Variants in DPP6 observed in about 807,000 individuals in gnomAD.
DPP6 encodes dipeptidyl peptidase like 6.
DPP6 carries 69 observed loss-of-function variants against 122.6 expected under a neutral mutation model. The observed-to-expected ratio is 0.56, with a 90% CI of 0.46 to 0.69. The LOEUF (loss-of-function observed/expected upper bound fraction) is 0.69, where lower values mean the gene tolerates loss of function less well. DPP6 is among the 30% of genes least tolerant of loss of function. The pLI is 0.00. For synonymous variants in DPP6, 418 were observed against 433.1 expected, an observed-to-expected ratio of 0.97 and a Z score of 0.43; for missense variants, 928 against 1,116.9, an observed-to-expected ratio of 0.83 and a Z score of 2.41.
chr7:154,581,184 C>T (rs937421448), intron 5 of DPP6, among the ~76,000 whole-genome samples: 2 of 152,100 alleles, frequency 1.3e-5, no homozygotes, highest in Non-Finnish European at 2.9e-5. Context: ...CAGAAAAGAG[C>T]ATGACAAAGA....
chr7:154,277,000 G>T (rs1183435630), intron 1 of DPP6, among the ~76,000 whole-genome samples: 2 of 152,102 alleles, frequency 1.3e-5, no homozygotes, highest in Non-Finnish European at 2.9e-5. Flanking sequence ...GCACGCACTT[G>T]GGGGCCATTT....
chr7:154,442,999 T>G (rs1354847849), intron 1 of DPP6, among the ~76,000 whole-genome samples: 5 of 152,134 alleles, frequency 3.3e-5, no homozygotes, highest in Admixed American at 3.3e-4. Context: ...CACTCAGAGG[T>G]AAGCCGAAGC....
intron 3 of DPP6, among the ~76,000 whole-genome samples, chr7:154,491,191 A>T (rs28641674): frequency 0.066 from 10,005 of 152,242 alleles, 1,084 homozygotes; most frequent in African/African-American, 0.22. Context: ...ATGTTCCTCA[A>T]TAAAACCCAA....
chr7:154,891,397 T>G (rs543423628), intron 25 of DPP6, among the ~76,000 whole-genome samples: 1 of 152,320 alleles, frequency 6.6e-6, no homozygotes, highest in African/African-American at 2.4e-5. Context: ...GGCCTCATTC[T>G]AAGCACGGCA....
chr7:154,499,078 T>C (rs931031927), intron 3 of DPP6, among the ~76,000 whole-genome samples: 2 of 152,240 alleles, frequency 1.3e-5, no homozygotes, highest in Admixed American at 1.3e-4. Context: ...TGACTAACCC[T>C]TTGTTACTTG....
chr7:154,390,194 A>G (rs1814492916), intron 1 of DPP6, among the ~76,000 whole-genome samples: 1 of 152,230 alleles, frequency 6.6e-6, no homozygotes, highest in African/African-American at 2.4e-5. Flanking sequence ...CAACAAGGAA[A>G]TATCTGTCAT....
At chr7:154,728,455 G>C (rs577244135) in intron 8 of DPP6, among the ~76,000 whole-genome samples, 6 of 152,306 alleles carry the variant, frequency 3.9e-5, no homozygotes, top group African/African-American at 1.4e-4. Context: ...ATAACTAGAA[G>C]TCAGAGGGGG....
rs2533557 is a variant in DPP6 at position 154,002,066 on chromosome 7, C to G, written c.51+114332C>G. Reference sequence around the variant, plus strand: ...TTTTCCAAGTTGCCACTCTACCAACCCTTTTTGTATATTCCTGAGTTCAAA... The same window carrying G: ...TTTTCCAAGTTGCCACTCTACCAACGCTTTTTGTATATTCCTGAGTTCAAA... On this transcript the variant is annotated intron_variant, in intron 1 of 25. Coordinates refer to the DPP6 transcript ENST00000404039. Among the ~76,000 whole-genome samples, 525 of 152,080 alleles carry G rather than the reference C, an allele frequency of 3.5e-3. 5 individuals are homozygous for G. The highest frequency in any genetic ancestry group is 6.8e-3 in the Middle Eastern group (2 of 294).
intron 7 of DPP6, among the ~76,000 whole-genome samples, chr7:154,679,385 C>T (rs968677338): frequency 1.3e-5 from 2 of 152,166 alleles, no homozygotes; most frequent in African/African-American, 4.8e-5. Context: ...GAGTATGTTT[C>T]TTATAAGAAG....
chr7:153,908,029 G>GTTTT (rs34826354), intron 1 of DPP6, among the ~76,000 whole-genome samples: 15 of 113,898 alleles, frequency 1.3e-4, no homozygotes, highest in East Asian at 2.8e-4. Flanking sequence ...GAGGCTGGAA[G>GTTTT]TTTTTTTTTT....
Position 154,235,585 on chromosome 7 carries a change from T to G in DPP6, c.243+182522T>G, listed in dbSNP as rs11762144. Among the ~76,000 whole-genome samples, 656 of 128,996 alleles carry G rather than the reference T, an allele frequency of 5.1e-3. 20 individuals carry two copies. The highest frequency in any genetic ancestry group is 0.019 in the African/African-American group (491 of 26,118). The allele number at this position is 128,996 out of a possible 152,430, so 84.6% of individuals were successfully genotyped here. On this transcript the variant is annotated intron_variant, in intron 1 of 25. Coordinates refer to ENST00000377770, the MANE Select transcript of DPP6 (RefSeq NM_130797.4). ...TTGTTCCTTTCTATTGTCAAATAACTACACAGTGTTTTAAAGCCCCTTTCC... is the reference window on the plus strand; with the variant it reads ...TTGTTCCTTTCTATTGTCAAATAACGACACAGTGTTTTAAAGCCCCTTTCC...
intron 1 of DPP6, among the ~76,000 whole-genome samples, chr7:154,404,887 C>T (rs1815943319): frequency 6.6e-6 from 1 of 152,020 alleles, no homozygotes; most frequent in African/African-American, 2.4e-5. Flanking sequence ...AAAAAAAATG[C>T]ACCAGTATGT....
At chr7:153,839,833 C>T in the DPP6 span, among the ~76,000 whole-genome samples, 1 of 152,172 alleles carries the variant, frequency 6.6e-6, no homozygotes, top group African/African-American at 2.4e-5. Context: ...AGGTCTGATT[C>T]TAGGATCCAA....
intron 5 of DPP6, among the ~76,000 whole-genome samples, chr7:154,607,966 TA>T (rs1833653547): frequency 8.5e-6 from 1 of 117,924 alleles, no homozygotes; most frequent in South Asian, 3.5e-4. Context: ...AAATAATATT[TA>T]GTTTTTTCTT....
chr7:154,139,233 A>G (rs2150657216), intron 1 of DPP6, among the ~76,000 whole-genome samples: 1 of 146,218 alleles, frequency 6.8e-6, no homozygotes, highest in Non-Finnish European at 1.5e-5. Context: ...AGTGTGGCTC[A>G]GTTCAACTCT....
At chr7:154,280,622 TTTAA>T (rs1804439574) in intron 1 of DPP6, among the ~76,000 whole-genome samples, 1 of 152,232 alleles carries the variant, frequency 6.6e-6, no homozygotes, top group African/African-American at 2.4e-5. Context: ...TACACTTGGA[TTTAA>T]TTAATAATAG....
intron 1 of DPP6, among the ~76,000 whole-genome samples, chr7:154,120,125 C>A (rs1218697946): frequency 6.6e-6 from 1 of 152,162 alleles, no homozygotes; most frequent in African/African-American, 2.4e-5. Flanking sequence ...TACCTGTGGT[C>A]TCCAGGTGGG....
intron 17 of DPP6, among the ~76,000 whole-genome samples, chr7:154,855,783 G>GA (rs889677269): frequency 3.9e-5 from 6 of 152,194 alleles, no homozygotes; most frequent in African/African-American, 7.2e-5. Flanking sequence ...AATTTTCCCT[G>GA]AAAAAATGCC....
At chr7:154,131,041 G>A (rs1246756491) in intron 1 of DPP6, among the ~76,000 whole-genome samples, 1 of 152,110 alleles carries the variant, frequency 6.6e-6, no homozygotes, top group Non-Finnish European at 1.5e-5. Flanking sequence ...CCTGACTGAG[G>A]GAACTGAGGC....
Sources: gnomAD v4.1 joint callset for allele counts (sites outside exome capture counted in the v4.1 genomes callset) on GRCh38, gnomAD v4.1.1 for gene constraint, MANE v1.5 for transcripts, NCBI Gene and HGNC (gene_info 2026-07-23, HGNC 2026-07-21) for gene names.